Variants in AP2B1 observed in about 807,000 individuals in gnomAD.
AP2B1 encodes the protein AP-2 complex subunit beta.
In AP2B1, 23 loss-of-function variants were observed where a neutral mutation model predicts 102.0. That is an observed-to-expected ratio of 0.23 (90% CI 0.16 to 0.32). AP2B1 has a LOEUF of 0.32. Ranked by LOEUF, AP2B1 falls within the 10% of genes least tolerant of loss-of-function variation. The pLI, the probability that AP2B1 is intolerant of heterozygous loss-of-function variation, is 1.00. For synonymous variants in AP2B1, 381 were observed against 421.2 expected (o/e 0.90, Z 1.17); for missense variants, 541 against 1,157.4 (o/e 0.47, Z 7.73).
chr17:35,679,864 A>G (rs1170234390), intron 17 of AP2B1, among the ~76,000 whole-genome samples: 1 of 151,936 alleles, frequency 6.6e-6, no homozygotes, highest in Non-Finnish European at 1.5e-5. Context: ...GATGTAGTTT[A>G]TCTAGGAAAA....
chr17:35,625,202 T>A (rs1598085507), intron 6 of AP2B1, among the ~76,000 whole-genome samples: 1 of 152,336 alleles, frequency 6.6e-6, no homozygotes, highest in East Asian at 1.9e-4. Context: ...ATCCCTAATT[T>A]TTATTGAGCA....
chr17:35,627,626 A>G lies in AP2B1; in HGVS notation c.1060-5A>G. On this transcript the variant is annotated splice_polypyrimidine_tract_variant and splice_region_variant and intron_variant, in intron 8 of 21. Transcript: ENST00000610402. ...TAATGATTAACCACTTCCTGGGTTTAACAGGTTCTGGCAGAACTGAAAGAA... is the reference window on the plus strand; with the variant it reads ...TAATGATTAACCACTTCCTGGGTTTGACAGGTTCTGGCAGAACTGAAAGAA... 1 of 1,613,942 alleles carries G rather than the reference A, an allele frequency of 6.2e-7. No individual in the cohort carries two copies. Among genetic ancestry groups the G allele is most frequent in the South Asian group, 1.1e-5 (1 of 91,054 alleles).
chr17:35,692,507 C>T (rs1483501926), intron 18 of AP2B1, among the ~76,000 whole-genome samples: 1 of 152,128 alleles, frequency 6.6e-6, no homozygotes, highest in African/African-American at 2.4e-5. Context: ...ACCTCTTTCT[C>T]GTCCCAGCTG....
intron 14 of AP2B1, among the ~76,000 whole-genome samples, chr17:35,667,550 A>T (rs1279235396): frequency 1.3e-5 from 2 of 152,216 alleles, no homozygotes; most frequent in African/African-American, 4.8e-5. Flanking sequence ...GTACTTTCAG[A>T]TCCTTTCCAG....
At chr17:35,679,716 T>G (rs2075776719) in intron 17 of AP2B1, among the ~76,000 whole-genome samples, 1 of 152,182 alleles carries the variant, frequency 6.6e-6, no homozygotes, top group Admixed American at 6.5e-5. Flanking sequence ...TTTCCCAATA[T>G]TGACTTAATG....
intron 6 of AP2B1, among the ~76,000 whole-genome samples, chr17:35,626,354 G>T (rs762620653): frequency 6.6e-6 from 1 of 151,926 alleles, no homozygotes; most frequent in Non-Finnish European, 1.5e-5. Context: ...AAGTGTCTTG[G>T]GTATTGCTAG....
At chr17:35,643,453 A>C (rs568790554) in intron 12 of AP2B1, among the ~76,000 whole-genome samples, 1 of 152,290 alleles carries the variant, frequency 6.6e-6, no homozygotes, top group South Asian at 2.1e-4. Flanking sequence ...GTTAAAGCCT[A>C]TGTGATTGTA....
At chr17:35,716,167 T>A (rs915598630) in intron 20 of AP2B1, among the ~76,000 whole-genome samples, 1 of 152,184 alleles carries the variant, frequency 6.6e-6, no homozygotes, top group African/African-American at 2.4e-5. Context: ...GAGAGCACAA[T>A]AGAATATGAC....
intron 2 of AP2B1, among the ~76,000 whole-genome samples, chr17:35,596,408 G>T (rs1451382790): frequency 6.6e-6 from 1 of 152,092 alleles, no homozygotes; most frequent in Non-Finnish European, 1.5e-5. Flanking sequence ...TGCCTTATTG[G>T]CCATGGATAT....
At chr17:35,686,617 A>T (rs7406966) in intron 18 of AP2B1, among the ~76,000 whole-genome samples, 4 of 151,904 alleles carry the variant, frequency 2.6e-5, no homozygotes, top group Admixed American at 2.6e-4. Context: ...CATTCTTTCA[A>T]GTTTTCAGGA....
At chr17:35,688,248 A>G (rs587731993) in intron 18 of AP2B1, among the ~76,000 whole-genome samples, 1 of 152,190 alleles carries the variant, frequency 6.6e-6, no homozygotes, top group Non-Finnish European at 1.5e-5. Flanking sequence ...TATGTAGACT[A>G]TTCCATAGGT....
At chr17:35,673,721 G>A (rs1458246562) in intron 16 of AP2B1, among the ~76,000 whole-genome samples, 1 of 152,002 alleles carries the variant, frequency 6.6e-6, no homozygotes, top group African/African-American at 2.4e-5. Flanking sequence ...GGTTGGAAAT[G>A]ATGAAAAAAA....
chr17:35,689,053 C>T (rs2075991661), intron 18 of AP2B1, among the ~76,000 whole-genome samples: 1 of 152,196 alleles, frequency 6.6e-6, no homozygotes, highest in Non-Finnish European at 1.5e-5. Flanking sequence ...CCCCTGTGTA[C>T]CCATCATCCA....
intron 21 of AP2B1, among the ~76,000 whole-genome samples, chr17:35,722,667 T>TA (rs2085435939): frequency 6.6e-6 from 1 of 152,194 alleles, no homozygotes; most frequent in South Asian, 2.1e-4. Flanking sequence ...TAAAATAGTC[T>TA]AAAATCTCAC....
intron 17 of AP2B1, among the ~76,000 whole-genome samples, chr17:35,680,060 G>A (rs587744533): frequency 3.8e-4 from 58 of 151,374 alleles, no homozygotes; most frequent in African/African-American, 1.4e-3. Flanking sequence ...CCACGACCAC[G>A]CCCGACTAAT....
chr17:35,632,689 G>C (rs145808222), intron 9 of AP2B1, among the ~76,000 whole-genome samples: 4 of 151,300 alleles, frequency 2.6e-5, no homozygotes, highest in African/African-American at 7.3e-5. Context: ...AAGCAGTATG[G>C]TTGAGATGAT....
chr17:35,597,786 T>G (rs562578654), intron 2 of AP2B1, among the ~76,000 whole-genome samples: 1 of 152,350 alleles, frequency 6.6e-6, no homozygotes, highest in South Asian at 2.1e-4. Flanking sequence ...ACTTTGTCAC[T>G]GACTCTGTGA....
Position 35,723,703 on chromosome 17 carries a change from G to T in AP2B1, c.*4G>T. 1 of 1,595,412 alleles carries T rather than the reference G, an allele frequency of 6.3e-7. No homozygotes were observed. Among genetic ancestry groups the T allele is most frequent in the South Asian group, 1.1e-5 (1 of 90,672 alleles). On this transcript the variant is annotated 3_prime_UTR_variant, in exon 22 of 22. Coordinates refer to ENST00000610402, the MANE Select transcript of AP2B1 (RefSeq NM_001030006.2). ...CGACAGCATTTTGAAAAACTAACAAGACTGGTCCAGTACCCTTCAACCATG... is the reference window on the plus strand; with the variant it reads ...CGACAGCATTTTGAAAAACTAACAATACTGGTCCAGTACCCTTCAACCATG...
chr17:35,626,826 T>A lies in AP2B1; in HGVS notation c.922T>A (p.Leu308Ile). 1 of 1,614,002 alleles carries A rather than the reference T, an allele frequency of 6.2e-7. No homozygotes were observed. Among genetic ancestry groups the A allele is most frequent in the Non-Finnish European group, 8.5e-7 (1 of 1,179,936 alleles). Residue 308 changes from leucine (L) to isoleucine (I), a missense_variant, in exon 7 of 22, where the codon TTA (leucine) becomes ATA (isoleucine). Coordinates refer to ENST00000610402, the MANE Select transcript of AP2B1 (RefSeq NM_001030006.2). Reference sequence around the variant, plus strand: ...GTATGTCGCCCTGAGGAACATCAACTTAATTGTCCAGAAAAGGTTGGGAAA... The same window carrying A: ...GTATGTCGCCCTGAGGAACATCAACATAATTGTCCAGAAAAGGTTGGGAAA... The part of the protein sequence containing the change: ...VQYVALRNIN[L>I]IVQKRPEILK...
Sources: allele counts gnomAD v4.1 joint callset (sites outside exome capture counted in the v4.1 genomes callset), GRCh38; gene constraint gnomAD v4.1.1; transcripts MANE v1.5; gene names NCBI Gene and HGNC (gene_info 2026-07-23, HGNC 2026-07-21).